Variants in HDAC4 observed in about 807,000 individuals in gnomAD.
HDAC4 encodes histone deacetylase A.
HDAC4 carries 16 observed loss-of-function variants against 135.1 expected under a neutral mutation model. The observed-to-expected ratio is 0.12, with a 90% CI of 0.08 to 0.18. The LOEUF (loss-of-function observed/expected upper bound fraction) is 0.18, where lower values mean the gene tolerates loss of function less well. HDAC4 is among the 10% of genes least tolerant of loss of function. HDAC4 has a pLI of 1.00. For synonymous variants in HDAC4, 685 were observed against 653.4 expected, an observed-to-expected ratio of 1.05 and a Z score of -0.74; for missense variants, 1,143 against 1,511.8, an observed-to-expected ratio of 0.76 and a Z score of 4.05.
At chr2:239,296,426 T>C (rs1450889680) in intron 2 of HDAC4, among the ~76,000 whole-genome samples, 1 of 152,208 alleles carries the variant, frequency 6.6e-6, no homozygotes, top group Non-Finnish European at 1.5e-5. Context: ...CCCATTTCAC[T>C]GGCTACAATG....
intron 14 of HDAC4, among the ~76,000 whole-genome samples, chr2:239,110,144 G>A (rs1412097365): frequency 6.6e-6 from 1 of 152,212 alleles, no homozygotes; most frequent in Non-Finnish European, 1.5e-5. Context: ...CTGTCCATCT[G>A]GCTATGCACA....
intron 1 of HDAC4, among the ~76,000 whole-genome samples, chr2:239,385,221 C>T (rs1186628564): frequency 2.0e-5 from 3 of 152,224 alleles, no homozygotes; most frequent in East Asian, 3.9e-4. Flanking sequence ...AGGTCTCCTC[C>T]AAGCCTCAGG....
intron 18 of HDAC4, 110 bp downstream of exon 18, chr2:239,089,899 C>T (rs1316374708): frequency 1.2e-6 from 1 of 825,426 alleles, no homozygotes; most frequent in Non-Finnish European, 2.1e-6. Flanking sequence ...CTCCCCATCA[C>T]AGCCGCCTCC....
At chr2:239,209,493 C>T (rs1173176117) in intron 3 of HDAC4, among the ~76,000 whole-genome samples, 1 of 152,158 alleles carries the variant, frequency 6.6e-6, no homozygotes, top group South Asian at 2.1e-4. Context: ...AGATGGGATT[C>T]GTCCCTATTC....
chr2:239,261,535 C>CA (rs1437239545), intron 2 of HDAC4, among the ~76,000 whole-genome samples: 4 of 152,088 alleles, frequency 2.6e-5, no homozygotes, highest in Non-Finnish European at 4.4e-5. Flanking sequence ...CAACAGTTGC[C>CA]AAAAATGGGC....
At chr2:239,357,750 A>G (rs1693595297) in intron 1 of HDAC4, among the ~76,000 whole-genome samples, 3 of 151,448 alleles carry the variant, frequency 2.0e-5, no homozygotes, top group Admixed American at 2.0e-4. Context: ...TAAGCTGGGC[A>G]TGGTGGTGCA....
chr2:239,365,538 C>T (rs1694133661), intron 1 of HDAC4, among the ~76,000 whole-genome samples: 1 of 152,076 alleles, frequency 6.6e-6, no homozygotes, highest in South Asian at 2.1e-4. Context: ...GCCATGGGAG[C>T]CAGCAAGGCT....
At chr2:239,219,416 C>A (rs562388038) in intron 3 of HDAC4, among the ~76,000 whole-genome samples, 59 of 141,896 alleles carry the variant, frequency 4.2e-4, no homozygotes, top group African/African-American at 1.4e-3. Context: ...AGGAATTGAA[C>A]ATTGAGAACA....
chr2:239,138,221 G>C (rs1473027276), intron 9 of HDAC4, among the ~76,000 whole-genome samples: 1 of 152,188 alleles, frequency 6.6e-6, no homozygotes, highest in Non-Finnish European at 1.5e-5. Flanking sequence ...AAGAAGACAG[G>C]TAATAAAAGA....
At chr2:239,235,640 A>G (rs2047844823) in intron 3 of HDAC4, among the ~76,000 whole-genome samples, 1 of 152,232 alleles carries the variant, frequency 6.6e-6, no homozygotes, top group Non-Finnish European at 1.5e-5. Context: ...GTACCCTCAC[A>G]AGGAGTTTAA....
rs550182569 is a variant in HDAC4 at position 239,146,023 on chromosome 2, A to G, written c.734-1309T>C. Among the ~76,000 whole-genome samples, 19 of 152,300 alleles carry G rather than the reference A, an allele frequency of 1.2e-4. No individual in the cohort carries two copies. In the South Asian group the frequency reaches 3.5e-3, roughly 28 times the overall value. ...GCGCTGTGAGAAGGTACCAGACTCT[A>G]AGCCTCTGCAGGGAGCGAGGCCTCT... On this transcript the variant is annotated intron_variant, in intron 7 of 26. Coordinates refer to ENST00000543185, the MANE Select transcript of HDAC4 (RefSeq NM_001378414.1). This position sits in a 1 kb window ranked among gnomAD's most constrained non-coding sequence, Gnocchi z 4.5.
intron 7 of HDAC4, among the ~76,000 whole-genome samples, chr2:239,152,345 G>A (rs1356953824): frequency 1.3e-5 from 2 of 152,206 alleles, no homozygotes; most frequent in Non-Finnish European, 2.9e-5. Context: ...TACACATTTG[G>A]CGGCTTCACA....
At position 239,277,129 on chromosome 2, in the gene HDAC4, C is replaced by T; in HGVS notation, c.23-40465G>A. Among the ~76,000 whole-genome samples, 2 of 152,228 alleles carry T rather than the reference C, an allele frequency of 1.3e-5. 1 individual carries two copies. The highest frequency in any genetic ancestry group is 2.9e-5 in the Non-Finnish European group (2 of 68,046). ...AAAGCAGGGACGGGGTCCTGCTCAC[C>T]TTGGTGTACCCAGCACCTGGTATAG... On this transcript the variant is annotated intron_variant, in intron 2 of 26. Coordinates refer to ENST00000543185, the MANE Select transcript of HDAC4 (RefSeq NM_001378414.1).
chr2:239,181,221 G>A (rs1008087912), intron 4 of HDAC4, among the ~76,000 whole-genome samples: 6 of 152,246 alleles, frequency 3.9e-5, no homozygotes, highest in African/African-American at 1.4e-4. Context: ...TTCCAGCCAG[G>A]AGCACGGGGA....
At chr2:239,379,166 G>C (rs772887312) in intron 1 of HDAC4, among the ~76,000 whole-genome samples, 1 of 152,060 alleles carries the variant, frequency 6.6e-6, no homozygotes, top group Non-Finnish European at 1.5e-5. Context: ...GGTGGAGGCC[G>C]CCAAGAAAAG....
At chr2:239,353,888 T>A (rs1693320280) in intron 1 of HDAC4, among the ~76,000 whole-genome samples, 1 of 152,232 alleles carries the variant, frequency 6.6e-6, no homozygotes. Context: ...GTAGTCACAA[T>A]GTCTGTGTAA....
chr2:239,261,861 CCAGCCAGGAGGTTCTG>C (rs1269819575), intron 2 of HDAC4, among the ~76,000 whole-genome samples: 1 of 152,170 alleles, frequency 6.6e-6, no homozygotes, highest in East Asian at 1.9e-4. Context: ...CCCACCCGGC[CCAGCCAGGAGGTTCTG>C]CTGCCAGCCT....
rs1457230018 is a variant in HDAC4, at chr2:239,115,903, C to T, written c.1534-593G>A. On this transcript the variant is annotated intron_variant, in intron 12 of 26. Transcript: ENST00000543185. The surrounding 1 kb of genome is among the most constrained non-coding windows in gnomAD (Gnocchi z 6.3). ...CCCAGGGATGCCACGGCCTCCCCTT[C>T]TGCAGGATCTCAGGGACACCATGAC... is the stretch of plus-strand genomic sequence containing the variant. Among the ~76,000 whole-genome samples the T allele has an allele frequency of 3.3e-5, 5 of 152,156 alleles. No individual in the cohort carries two copies. Among genetic ancestry groups the T allele is most frequent in the Non-Finnish European group, 7.4e-5 (5 of 68,022 alleles).
intron 2 of HDAC4, among the ~76,000 whole-genome samples, chr2:239,322,898 T>G (rs1035170862): frequency 6.6e-6 from 1 of 152,140 alleles, no homozygotes; most frequent in East Asian, 1.9e-4. Flanking sequence ...CAGAAAGAAC[T>G]GCAGTGACTG....
Sources: gnomAD v4.1 joint callset for allele counts (sites outside exome capture counted in the v4.1 genomes callset) on GRCh38, gnomAD v4.1.1 for gene constraint, Gnocchi (gnomAD v3.1) non-coding constraint, MANE v1.5 for transcripts, NCBI Gene and HGNC (gene_info 2026-07-23, HGNC 2026-07-21) for gene names.